BNIP5: variants seen among roughly 807,000 people sequenced by gnomAD.
BNIP5 encodes BCL2 interacting protein 5.
Under a neutral mutation model 67.3 loss-of-function variants are expected in BNIP5, and 61 were observed. The observed-to-expected ratio is 0.91, with a 90% CI of 0.74 to 1.12. The LOEUF (loss-of-function observed/expected upper bound fraction) is 1.12. Among genes scored for constraint, BNIP5 ranks in the 50% most tolerant of loss-of-function variants. The probability of loss-of-function intolerance (pLI) is 0.00; values close to 1 mark genes in which losing one functional copy is unlikely to be tolerated. For synonymous variants in BNIP5, 317 were observed against 319.0 expected, an observed-to-expected ratio of 0.99 and a Z score of 0.07; for missense variants, 826 against 816.3, an observed-to-expected ratio of 1.01 and a Z score of -0.14.
Position 36,326,534 on chromosome 6 carries a change from G to A in BNIP5, c.1012C>T (p.Arg338Trp), listed in dbSNP as rs777148851. 11 of 1,614,134 alleles carry A rather than the reference G, an allele frequency of 6.8e-6. No homozygotes were observed. Among genetic ancestry groups the A allele is most frequent in the South Asian group, 5.5e-5 (5 of 91,092 alleles). Residue 338 changes from arginine (R) to tryptophan (W), a missense_variant, in exon 5 of 12, where the codon CGG (arginine) becomes TGG (tryptophan). Physicochemically the swap from Arg to Trp is moderately radical, Grantham distance 101 (BLOSUM62 -3). Coordinates refer to ENST00000437635, the MANE Select transcript of BNIP5 (RefSeq NM_001010903.5). ...CCATAGCTGCTGGAGATGGAAGGCC[G>A]ATGGCCGCTGACACACAGGGGCAGA... ...SFLPLCVSGHRPSISSSYGLE... is the reference protein window; with the variant it reads ...SFLPLCVSGHWPSISSSYGLE...
intron 6 of BNIP5, among the ~76,000 whole-genome samples, chr6:36,324,419 A>C (rs1278078806): frequency 2.0e-5 from 3 of 150,840 alleles, no homozygotes; most frequent in Non-Finnish European, 4.4e-5. Flanking sequence ...CCATCTGGAA[A>C]GGCCCATTCC....
At chr6:36,318,300 CT>C (rs1165055651) in intron 11 of BNIP5, among the ~76,000 whole-genome samples, 2 of 152,208 alleles carry the variant, frequency 1.3e-5, no homozygotes, top group Admixed American at 6.5e-5. Context: ...CATTCAGAGG[CT>C]TCTACGCTGT....
intron 7 of BNIP5, 115 bp downstream of exon 7, chr6:36,324,014 A>AAG (rs920467164): frequency 3.8e-6 from 3 of 795,598 alleles, no homozygotes; most frequent in African/African-American, 3.5e-5. Context: ...AAAAAAAAAA[A>AAG]AGGAGGGACT....
At chr6:36,321,060 G>A in intron 10 of BNIP5, 95 bp downstream of exon 10, 3 of 751,048 alleles carry the variant, frequency 4.0e-6, no homozygotes, top group Non-Finnish European at 6.9e-6. Flanking sequence ...TAAGGGACAT[G>A]CTCAAAGTTG....
chr6:36,321,277 C>T (rs1159300609), intron 9 of BNIP5, 58 bp from the exon 10 acceptor site: 1 of 1,302,108 alleles, frequency 7.7e-7, no homozygotes, highest in Admixed American at 2.0e-5. Flanking sequence ...CAGTTCCCTT[C>T]CAAAAACAAA....
Position 36,324,185 on chromosome 6 carries a change from A to G in BNIP5, c.1174T>C (p.Phe392Leu). 6.2e-7 allele frequency: 1 copy of G among 1,613,494 alleles called. No homozygotes were observed. Among genetic ancestry groups the G allele is most frequent in the Non-Finnish European group, 8.5e-7 (1 of 1,179,532 alleles). ...PLDRASEYKE[F>L]IQKIISMLQD... is the part of the protein sequence containing the mutation. ...AGCATGGAAATGATCTTCTGAATGA[A>G]TTCTTCTGAAAAAGATCAACACGCA... Residue 392 changes from phenylalanine (F) to leucine (L), a missense_variant, in exon 7 of 12, where the codon TTC becomes CTC. Physicochemically the swap from Phe to Leu is conservative, Grantham distance 22. Transcript: ENST00000437635.
Position 36,318,714 on chromosome 6 carries a change from C to A in BNIP5, c.1923+642G>T, listed in dbSNP as rs139390693. On this transcript the variant is annotated intron_variant, in intron 11 of 11. Transcript: ENST00000437635. ...CTCCAGCCTGGGTGACAGAGCAAGA[C>A]CCTGTCTCAAAAAAAAATCAGTGAC... Among the ~76,000 whole-genome samples the A allele has an allele frequency of 6.1e-4, 93 of 152,104 alleles. 1 individual carries two copies. The highest frequency in any genetic ancestry group is 2.1e-3 in the African/African-American group (89 of 41,494).
intron 1 of BNIP5, among the ~76,000 whole-genome samples, chr6:36,332,772 G>A (rs1473454487): frequency 6.6e-6 from 1 of 152,090 alleles, no homozygotes. Context: ...TTTGATTTGT[G>A]TGTCTTTAAT....
In BNIP5 at chr6:36,326,648, T is replaced by A. The variant is rs191224789; in HGVS notation, c.898A>T (p.Asn300Tyr). 9.9e-5 allele frequency: 160 copies of A among 1,614,188 alleles called. No homozygotes were observed. The highest frequency in any genetic ancestry group is 1.3e-4 in the Non-Finnish European group (154 of 1,180,024). ...KTSLKRTSKT[N>Y]PKKHGSEEAK... ...TCCTCGGAGCCGTGTTTCTTGGGGT[T>A]TGTCTTTGAGGTTCTCTTGAGGCTT... The change falls in exon 5 of 12, where the codon AAC becomes TAC. Residue 300 changes from asparagine to tyrosine, a missense_variant. Coordinates refer to ENST00000437635, the MANE Select transcript of BNIP5 (RefSeq NM_001010903.5).
At chr6:36,324,575 T>A (rs1476353435) in intron 6 of BNIP5, among the ~76,000 whole-genome samples, 12 of 50,834 alleles carry the variant, frequency 2.4e-4, no homozygotes, top group East Asian at 1.5e-3. Context: ...GACGGTGATA[T>A]TATATATATA....
chr6:36,316,697 C>G lies in BNIP5; in HGVS notation c.*659G>C, dbSNP rs1026681281. 2 of 398,680 alleles carry G rather than the reference C, an allele frequency of 5.0e-6. No individual in the cohort carries two copies. Among genetic ancestry groups the G allele is most frequent in the East Asian group, 7.1e-5 (2 of 28,082 alleles). The allele number at this position is 398,680 out of a possible 1,614,324, so 24.7% of individuals were successfully genotyped here. A position where few individuals can be genotyped will look rare whatever the true frequency, so the allele number is the denominator to read the frequency against. The stretch of plus-strand genomic sequence containing the variant: ...TTTTCTCACTGACTCCTAGCCAATC[C>G]CATGAGATGGGAGAGGTGCAAGGTA... On this transcript the variant is annotated 3_prime_UTR_variant, in exon 12 of 12. Transcript: ENST00000437635.
chr6:36,327,176 T>C, intron 3 of BNIP5, 82 bp from the exon 4 acceptor site: 1 of 1,244,486 alleles, frequency 8.0e-7, no homozygotes, highest in African/African-American at 1.5e-5. Flanking sequence ...GATAGTTCTC[T>C]TAAACAACTC....
Position 36,316,288 on chromosome 6 carries a change from C to T in BNIP5, c.*1068G>A, listed in dbSNP as rs1771512983. The T allele has an allele frequency of 2.6e-6, 1 of 387,644 alleles. No individual in the cohort carries two copies. The highest frequency in any genetic ancestry group is 4.6e-6 in the Non-Finnish European group (1 of 219,650). The allele number at this position is 387,644 out of a possible 1,614,324, so 24.0% of individuals were successfully genotyped here. A position where few individuals can be genotyped will look rare whatever the true frequency, so the allele number is the denominator to read the frequency against. ...AGGGAGCCGACTGTCTGTCTACAGT[C>T]TTGTCCTTCCTGCACATAGATATGA... On this transcript the variant is annotated 3_prime_UTR_variant, in exon 12 of 12. Coordinates refer to ENST00000437635, the MANE Select transcript of BNIP5 (RefSeq NM_001010903.5).
chr6:36,329,583 C>T (rs7750576), intron 2 of BNIP5, among the ~76,000 whole-genome samples: 9,543 of 152,006 alleles, frequency 0.063, 322 homozygotes, highest in Middle Eastern at 0.11. Context: ...GGCCACAGCC[C>T]GTGGATCACT....
chr6:36,335,071 C>T (rs113632180), intron 1 of BNIP5, among the ~76,000 whole-genome samples: 5 of 152,284 alleles, frequency 3.3e-5, no homozygotes, highest in Admixed American at 1.3e-4. Flanking sequence ...TGACATTTAC[C>T]GGTGACATGT....
intron 3 of BNIP5, 110 bp downstream of exon 3, chr6:36,328,488 A>AT: frequency 1.4e-6 from 1 of 720,854 alleles, no homozygotes; most frequent in Non-Finnish European, 2.5e-6. Context: ...CAGTGCATGT[A>AT]TTTTGAGAAC....
intron 9 of BNIP5, 30 bp downstream of exon 9, chr6:36,322,281 T>C (rs1771652984): frequency 6.2e-7 from 1 of 1,613,546 alleles, no homozygotes; most frequent in East Asian, 2.2e-5. Flanking sequence ...CCCGGGAAGC[T>C]GTCCAGGTAA....
intron 3 of BNIP5, 114 bp downstream of exon 3, chr6:36,328,484 A>G (rs1771812234): frequency 7.1e-6 from 5 of 699,664 alleles, no homozygotes; most frequent in Admixed American, 4.2e-5. Context: ...AGGCCAGTGC[A>G]TGTATTTTGA....
chr6:36,322,525 T>C, intron 8 of BNIP5, 83 bp from the exon 9 acceptor site: 2 of 1,460,550 alleles, frequency 1.4e-6, no homozygotes, highest in Non-Finnish European at 9.3e-7. Flanking sequence ...GGCACAGGCA[T>C]AAGCAGGGGC....
Sources: gnomAD v4.1 joint callset for allele counts (sites outside exome capture counted in the v4.1 genomes callset) on GRCh38, gnomAD v4.1.1 for gene constraint, MANE v1.5 for transcripts, NCBI Gene and HGNC (gene_info 2026-07-23, HGNC 2026-07-21) for gene names.